Variants in KCNT2 observed in about 807,000 individuals in gnomAD.
KCNT2 encodes potassium sodium-activated channel subfamily T member 2, also known as potassium channel subfamily T member 2.
Under a neutral mutation model 153.8 loss-of-function variants are expected in KCNT2, and 67 were observed. The observed-to-expected ratio is 0.44, with a 90% CI of 0.36 to 0.53. The LOEUF is 0.53. KCNT2 is among the 20% of genes least tolerant of loss of function. The probability of loss-of-function intolerance (pLI) is 0.00; values close to 1 mark genes in which losing one functional copy is unlikely to be tolerated. For synonymous variants in KCNT2, 500 were observed against 458.8 expected, an observed-to-expected ratio of 1.09 and a Z score of -1.15; for missense variants, 975 against 1,354.8, an observed-to-expected ratio of 0.72 and a Z score of 4.40.
intron 13 of KCNT2, among the ~76,000 whole-genome samples, chr1:196,376,888 G>A (rs1022274305): frequency 1.3e-5 from 2 of 151,930 alleles, no homozygotes; most frequent in Admixed American, 1.3e-4. Context: ...CGAAGATGTA[G>A]GTTATTAATA....
chr1:196,356,919 C>T (rs1226513078), intron 14 of KCNT2, among the ~76,000 whole-genome samples: 1 of 151,698 alleles, frequency 6.6e-6, no homozygotes, highest in African/African-American at 2.4e-5. Flanking sequence ...CCAAATAAAA[C>T]TTATCTACTG....
intron 1 of KCNT2, among the ~76,000 whole-genome samples, chr1:196,530,314 G>A (rs893984443): frequency 2.6e-5 from 4 of 151,846 alleles, no homozygotes; most frequent in Admixed American, 1.3e-4. Flanking sequence ...TTAATCATGA[G>A]AGACCTGTTT....
chr1:196,453,490 T>C (rs1676396122), intron 8 of KCNT2, among the ~76,000 whole-genome samples: 1 of 152,018 alleles, frequency 6.6e-6, no homozygotes, highest in African/African-American at 2.4e-5. Flanking sequence ...TGAGTACTTC[T>C]ATAATGTTGC....
intron 5 of KCNT2, among the ~76,000 whole-genome samples, chr1:196,473,896 C>T (rs1024563023): frequency 6.6e-6 from 1 of 151,936 alleles, no homozygotes; most frequent in African/African-American, 2.4e-5. Flanking sequence ...AGCACAATGC[C>T]TTTCAAAATT....
chr1:196,340,311 T>G (rs777225642), intron 16 of KCNT2, 30 bp downstream of exon 16: 2 of 1,201,352 alleles, frequency 1.7e-6, no homozygotes, highest in South Asian at 3.0e-5. Context: ...AGAAATAAAT[T>G]AATGATATTT....
In KCNT2 at chr1:196,476,325, T is replaced by C. The variant is rs536405057; in HGVS notation, c.384+2854A>G. The stretch of plus-strand genomic sequence containing the variant: ...ATTCAACATTTATCATATATATGTA[T>C]GCATGTATATTAATGAACATTAAAG... On this transcript the variant is annotated intron_variant, in intron 5 of 27. Coordinates refer to ENST00000294725, the MANE Select transcript of KCNT2 (RefSeq NM_198503.5). Among the ~76,000 whole-genome samples the C allele has an allele frequency of 2.0e-5, 3 of 152,296 alleles. No homozygotes were observed. In the East Asian group the frequency reaches 5.8e-4, roughly 29 times the overall value.
At chr1:196,284,028 C>T (rs1017819681) in intron 23 of KCNT2, among the ~76,000 whole-genome samples, 4 of 150,196 alleles carry the variant, frequency 2.7e-5, no homozygotes, top group Non-Finnish European at 5.9e-5. Context: ...GTCAGGGGTT[C>T]GAGACCAGCC....
At chr1:196,250,264 GGCATGGTACA>G (rs2102294134) in intron 26 of KCNT2, among the ~76,000 whole-genome samples, 1 of 152,134 alleles carries the variant, frequency 6.6e-6, no homozygotes, top group African/African-American at 2.4e-5. Context: ...ACATGGTACT[GGCATGGTACA>G]GCATGGTACA....
chr1:196,280,838 G>T (rs201421713), intron 25 of KCNT2, 22 bp downstream of exon 25: 160 of 1,602,696 alleles, frequency 1.0e-4, no homozygotes, highest in Non-Finnish European at 1.3e-4. Flanking sequence ...ATCAAAACAA[G>T]AATATTTTGT....
rs10922070 is a variant in KCNT2, at chr1:196,444,365, T to C, written c.639-14608A>G. On this transcript the variant is annotated intron_variant, in intron 8 of 27. Coordinates refer to ENST00000294725, the MANE Select transcript of KCNT2 (RefSeq NM_198503.5). Reference sequence around the variant, plus strand: ...AAAAGGTCAATCGTTCTAAGAATTATGTTTCCCTTTTTCCTTTTTTTAAGG... The same window carrying C: ...AAAAGGTCAATCGTTCTAAGAATTACGTTTCCCTTTTTCCTTTTTTTAAGG... 6.1e-3 allele frequency among the ~76,000 whole-genome samples: 927 copies of C among 151,530 alleles called. 4 individuals are homozygous for C. Among genetic ancestry groups the C allele is most frequent in the African/African-American group, 0.013 (538 of 41,492 alleles).
chr1:196,499,792 T>C (rs1317623025), intron 1 of KCNT2, among the ~76,000 whole-genome samples: 1 of 152,128 alleles, frequency 6.6e-6, no homozygotes, highest in Non-Finnish European at 1.5e-5. Context: ...TTATAAAGTA[T>C]ACTATTATTA....
At chr1:196,526,530 T>C (rs962428547) in intron 1 of KCNT2, among the ~76,000 whole-genome samples, 51 of 151,776 alleles carry the variant, frequency 3.4e-4, no homozygotes, top group African/African-American at 1.2e-3. Context: ...CTCGGCTCAC[T>C]ACAACCTCCG....
chr1:196,317,094 C>T (rs976125508), intron 20 of KCNT2: 6 of 243,104 alleles, frequency 2.5e-5, no homozygotes, highest in Non-Finnish European at 4.3e-5. Context: ...AGCCATGTCA[C>T]GTTAGAGGGA....
intron 1 of KCNT2, among the ~76,000 whole-genome samples, chr1:196,581,461 C>T (rs1662031171): frequency 6.6e-6 from 1 of 151,978 alleles, no homozygotes; most frequent in Non-Finnish European, 1.5e-5. Context: ...GTTTTACTTG[C>T]TCTTTACTGA....
chr1:196,424,043 C>T (rs921639706), intron 11 of KCNT2, among the ~76,000 whole-genome samples: 3 of 151,780 alleles, frequency 2.0e-5, no homozygotes, highest in Non-Finnish European at 2.9e-5. Context: ...ATGGATACTG[C>T]GTCACTCTAA....
intron 12 of KCNT2, chr1:196,404,088 A>T (rs933049700): frequency 3.5e-6 from 3 of 868,164 alleles, no homozygotes; most frequent in Non-Finnish European, 4.1e-6. Context: ...CCCAAAAGAA[A>T]ATACTAATAG....
intron 1 of KCNT2, among the ~76,000 whole-genome samples, chr1:196,571,259 G>T (rs978910011): frequency 1.5e-4 from 23 of 152,028 alleles, no homozygotes; most frequent in African/African-American, 5.6e-4. Context: ...ATGCTTAGGG[G>T]TCCATTTACA....
At chr1:196,322,350 G>C (rs972674241) in intron 19 of KCNT2, among the ~76,000 whole-genome samples, 3 of 151,392 alleles carry the variant, frequency 2.0e-5, no homozygotes, top group Non-Finnish European at 4.4e-5. Flanking sequence ...CAATTAAAAA[G>C]GTAAACATGA....
At chr1:196,302,921 C>T (rs1385406773) in intron 22 of KCNT2, among the ~76,000 whole-genome samples, 1 of 151,838 alleles carries the variant, frequency 6.6e-6, no homozygotes, top group Non-Finnish European at 1.5e-5. Flanking sequence ...TCCAGCCTTC[C>T]TATCCCTGAA....
Sources: gnomAD v4.1 joint callset for allele counts (sites outside exome capture counted in the v4.1 genomes callset) on GRCh38, gnomAD v4.1.1 for gene constraint, MANE v1.5 for transcripts, NCBI Gene and HGNC (gene_info 2026-07-23, HGNC 2026-07-21) for gene names.